Variants in MAGI2 observed in about 807,000 individuals in gnomAD.
MAGI2 encodes the protein membrane associated guanylate kinase, WW and PDZ domain containing 2.
MAGI2 carries 35 observed loss-of-function variants against 133.3 expected under a neutral mutation model. That is an observed-to-expected ratio of 0.26 (90% confidence interval 0.20 to 0.35). The LOEUF (loss-of-function observed/expected upper bound fraction) is 0.35, where lower values mean the gene tolerates loss of function less well. Ranked by LOEUF, MAGI2 falls within the 10% of genes least tolerant of loss-of-function variation. The pLI, the probability that MAGI2 is intolerant of heterozygous loss-of-function variation, is 1.00. For missense variants in MAGI2, 1,636 were observed against 1,863.4 expected (o/e 0.88, Z 2.25); for synonymous variants, 729 against 710.6 (o/e 1.03, Z -0.41).
At chr7:79,032,533 A>G (rs1305328226) in intron 1 of MAGI2, among the ~76,000 whole-genome samples, 3 of 151,780 alleles carry the variant, frequency 2.0e-5, no homozygotes, top group Non-Finnish European at 4.4e-5. Flanking sequence ...AAAAAAAAAA[A>G]AAGACTGCAG....
intron 1 of MAGI2, among the ~76,000 whole-genome samples, chr7:79,294,721 CTTTTTTT>C (rs1161010284): frequency 1.8e-4 from 15 of 83,166 alleles, no homozygotes; most frequent in African/African-American, 6.0e-4. Context: ...ATTTTGGTAG[CTTTTTTT>C]TTTTTTTTTT....
At chr7:78,362,704 G>A (rs1792950206) in intron 7 of MAGI2, among the ~76,000 whole-genome samples, 1 of 152,202 alleles carries the variant, frequency 6.6e-6, no homozygotes, top group African/African-American at 2.4e-5. Context: ...TTAGAGGTAG[G>A]ACACTCAATA....
intron 1 of MAGI2, among the ~76,000 whole-genome samples, chr7:79,055,406 C>G (rs1473252585): frequency 6.6e-6 from 1 of 151,902 alleles, no homozygotes; most frequent in East Asian, 1.9e-4. Flanking sequence ...ATTTAAAATT[C>G]TGCAATTCTA....
intron 1 of MAGI2, among the ~76,000 whole-genome samples, chr7:79,240,228 G>A (rs1371871304): frequency 6.6e-6 from 1 of 152,132 alleles, no homozygotes; most frequent in Non-Finnish European, 1.5e-5. Flanking sequence ...AGGAGTCAGG[G>A]TGGGTGGAAC....
At chr7:79,103,328 A>T (rs1243633065) in intron 1 of MAGI2, among the ~76,000 whole-genome samples, 1 of 152,146 alleles carries the variant, frequency 6.6e-6, no homozygotes, top group Non-Finnish European at 1.5e-5. Flanking sequence ...CCTGTTTTTT[A>T]TACTGTTCTT....
At chr7:78,749,448 G>T (rs1478577382) in intron 2 of MAGI2, among the ~76,000 whole-genome samples, 1 of 152,142 alleles carries the variant, frequency 6.6e-6, no homozygotes, top group Non-Finnish European at 1.5e-5. Context: ...TAAGCACGTG[G>T]AGAAAAGGAA....
chr7:79,151,951 T>A (rs1223494812), intron 1 of MAGI2, among the ~76,000 whole-genome samples: 1 of 152,106 alleles, frequency 6.6e-6, no homozygotes, highest in Admixed American at 6.6e-5. Context: ...TCAAAACCTG[T>A]CCTCATTTTG....
intron 1 of MAGI2, among the ~76,000 whole-genome samples, chr7:79,313,222 C>CA (rs1327750569): frequency 1.3e-5 from 2 of 151,974 alleles, no homozygotes; most frequent in African/African-American, 4.8e-5. Context: ...TGTGGCAATG[C>CA]AAAAAATACA....
intron 1 of MAGI2, among the ~76,000 whole-genome samples, chr7:79,285,308 T>C (rs1287534149): frequency 6.6e-6 from 1 of 152,136 alleles, no homozygotes; most frequent in African/African-American, 2.4e-5. Context: ...AAGATTCTTT[T>C]TTAAAGTTTT....
At position 78,228,918 on chromosome 7, in the gene MAGI2, A is replaced by G. The variant is rs1789679433; in HGVS notation, c.2047+27025T>C. 2.6e-5 allele frequency among the ~76,000 whole-genome samples: 4 copies of G among 152,252 alleles called. 1 individual carries two copies. In the South Asian group the frequency reaches 8.3e-4, roughly 32 times the overall value. ...AGGGAAGATGTAACATATTTCTTGG[A>G]TAACTTCATTTACCTAATACACTAG... is the stretch of plus-strand genomic sequence containing the variant. On this transcript the variant is annotated intron_variant, in intron 10 of 21. Transcript: ENST00000354212.
At chr7:78,555,320 C>G (rs1328053666) in intron 3 of MAGI2, among the ~76,000 whole-genome samples, 1 of 151,868 alleles carries the variant, frequency 6.6e-6, no homozygotes, top group African/African-American at 2.4e-5. Flanking sequence ...ACCAGGGACC[C>G]TAAGAGGGTG....
chr7:78,039,289 C>G (rs1254845553), intron 21 of MAGI2, among the ~76,000 whole-genome samples: 2 of 152,144 alleles, frequency 1.3e-5, no homozygotes, highest in Non-Finnish European at 2.9e-5. Flanking sequence ...CTGAATTAAT[C>G]AATTAAATAA....
chr7:78,762,995 A>G (rs1041346037), intron 2 of MAGI2, among the ~76,000 whole-genome samples: 3 of 152,212 alleles, frequency 2.0e-5, no homozygotes, highest in Admixed American at 6.5e-5. Flanking sequence ...AATTCAGGCA[A>G]TCTCAGACAT....
At chr7:78,968,552 C>G (rs1168218551) in intron 2 of MAGI2, among the ~76,000 whole-genome samples, 1 of 151,230 alleles carries the variant, frequency 6.6e-6, no homozygotes, top group Non-Finnish European at 1.5e-5. Flanking sequence ...CAGATAGTTT[C>G]TTATTAGCAT....
intron 1 of MAGI2, among the ~76,000 whole-genome samples, chr7:79,366,732 C>G (rs1190990145): frequency 6.6e-6 from 1 of 152,052 alleles, no homozygotes; most frequent in Non-Finnish European, 1.5e-5. Context: ...ATAATTATCT[C>G]AAAAATGTTT....
chr7:78,912,005 C>G (rs1049949780), intron 2 of MAGI2, among the ~76,000 whole-genome samples: 1 of 152,192 alleles, frequency 6.6e-6, no homozygotes, highest in South Asian at 2.1e-4. Context: ...CCTTAGCAAA[C>G]TAATGCAGCA....
intron 2 of MAGI2, among the ~76,000 whole-genome samples, chr7:78,916,038 C>T (rs1359922770): frequency 6.6e-6 from 1 of 151,978 alleles, no homozygotes; most frequent in Non-Finnish European, 1.5e-5. Context: ...TATGCATAAT[C>T]CTTGATGCAT....
At chr7:79,115,594 C>T (rs1242610798) in intron 1 of MAGI2, among the ~76,000 whole-genome samples, 3 of 152,090 alleles carry the variant, frequency 2.0e-5, no homozygotes, top group Non-Finnish European at 4.4e-5. Flanking sequence ...ACTTAATAAA[C>T]TGGCTGGGAA....
chr7:78,104,501 C>T (rs1818489224), intron 20 of MAGI2, among the ~76,000 whole-genome samples: 1 of 151,842 alleles, frequency 6.6e-6, no homozygotes. Context: ...GGATTACAGG[C>T]ATGAGCCACC....
Sources: gnomAD v4.1 joint callset for allele counts (sites outside exome capture counted in the v4.1 genomes callset) on GRCh38, gnomAD v4.1.1 for gene constraint, MANE v1.5 for transcripts, NCBI Gene and HGNC (gene_info 2026-07-23, HGNC 2026-07-21) for gene names.